NKAIN2: variants seen among roughly 807,000 people sequenced by gnomAD.
The protein encoded by NKAIN2 is sodium/potassium-transporting ATPase subunit beta-1-interacting protein 2.
A neutral mutation model predicts 32.6 loss-of-function variants in NKAIN2; 14 were observed. The observed-to-expected ratio is 0.43, with a 90% CI of 0.28 to 0.67. The LOEUF (loss-of-function observed/expected upper bound fraction) is 0.67. Ranked by LOEUF, NKAIN2 falls within the 30% of genes least tolerant of loss-of-function variation. The probability of loss-of-function intolerance (pLI) is 0.17; values close to 1 mark genes in which losing one functional copy is unlikely to be tolerated. For missense variants in NKAIN2, 198 were observed against 258.3 expected (o/e 0.77, Z 1.60); for synonymous variants, 80 against 87.2 (o/e 0.92, Z 0.46).
intron 1 of NKAIN2, among the ~76,000 whole-genome samples, chr6:123,909,140 T>G (rs1349890690): frequency 6.6e-6 from 1 of 152,136 alleles, no homozygotes; most frequent in African/African-American, 2.4e-5. Context: ...CCGCACCTTC[T>G]ACTTCTAACC....
intron 2 of NKAIN2, among the ~76,000 whole-genome samples, chr6:124,319,473 T>C (rs1159116790): frequency 6.6e-6 from 1 of 152,128 alleles, no homozygotes; most frequent in East Asian, 1.9e-4. Context: ...ACCTCTATCA[T>C]ATGTCACTGG....
chr6:124,341,435 C>T (rs1798108938), intron 2 of NKAIN2, among the ~76,000 whole-genome samples: 1 of 152,082 alleles, frequency 6.6e-6, no homozygotes, highest in African/African-American at 2.4e-5. Context: ...TAAAATGATA[C>T]AGATGATTAC....
chr6:123,969,725 C>A (rs1349163816), intron 1 of NKAIN2, among the ~76,000 whole-genome samples: 1 of 152,088 alleles, frequency 6.6e-6, no homozygotes, highest in Non-Finnish European at 1.5e-5. Flanking sequence ...ATGGGCAATG[C>A]CTTGATGTCA....
At chr6:124,380,766 A>G (rs1261467641) in intron 3 of NKAIN2, among the ~76,000 whole-genome samples, 1 of 152,226 alleles carries the variant, frequency 6.6e-6, no homozygotes, top group African/African-American at 2.4e-5. Context: ...GGAGATCTGT[A>G]TAACTTGGCA....
chr6:124,271,937 G>T (rs898271224), intron 1 of NKAIN2, among the ~76,000 whole-genome samples: 1 of 152,140 alleles, frequency 6.6e-6, no homozygotes, highest in Non-Finnish European at 1.5e-5. Context: ...TAGGGTATCT[G>T]GCGGAAGAAA....
chr6:124,703,235 T>C (rs1325676247), intron 4 of NKAIN2, among the ~76,000 whole-genome samples: 9 of 151,630 alleles, frequency 5.9e-5, no homozygotes, highest in African/African-American at 2.2e-4. Flanking sequence ...TTTTCAAAAG[T>C]AGGTATGATA....
chr6:123,804,078 A>G lies in NKAIN2; in HGVS notation c.-123A>G, dbSNP rs1254268705. ...TTCCCAGGACGCTGGCAGCAGCAGC[A>G]GCCCGGAGCCCCCGAGCCCTCGGCA... is the stretch of plus-strand genomic sequence containing the variant. On this transcript the variant is annotated 5_prime_UTR_variant, in exon 1 of 7. Transcript: ENST00000368417. The G allele has an allele frequency of 3.4e-6, 3 of 877,146 alleles. No homozygotes were observed. The highest frequency in any genetic ancestry group is 4.8e-5 in the East Asian group (2 of 41,498). The allele number at this position is 877,146 out of a possible 1,614,324, so 54.3% of individuals were successfully genotyped here.
At chr6:124,165,614 C>T (rs1323070424) in intron 1 of NKAIN2, among the ~76,000 whole-genome samples, 2 of 150,500 alleles carry the variant, frequency 1.3e-5, no homozygotes, top group Admixed American at 6.7e-5. Flanking sequence ...GTGCTGCACC[C>T]ATTAACTCGT....
At chr6:124,533,974 C>T (rs1779622854) in intron 3 of NKAIN2, among the ~76,000 whole-genome samples, 1 of 152,110 alleles carries the variant, frequency 6.6e-6, no homozygotes, top group East Asian at 1.9e-4. Context: ...CCATCATGAC[C>T]TGATCACCTC....
intron 4 of NKAIN2, among the ~76,000 whole-genome samples, chr6:124,775,189 T>C (rs936624178): frequency 1.3e-5 from 2 of 152,192 alleles, no homozygotes; most frequent in South Asian, 2.1e-4. Flanking sequence ...TGAGTATTCA[T>C]TGGACTGGGA....
intron 1 of NKAIN2, among the ~76,000 whole-genome samples, chr6:124,050,613 AT>A: frequency 6.6e-6 from 1 of 152,042 alleles, no homozygotes; most frequent in South Asian, 2.1e-4. Context: ...ACTTACCCCA[AT>A]CCATGTGGTA....
At chr6:124,565,586 C>G (rs968709487) in intron 3 of NKAIN2, among the ~76,000 whole-genome samples, 2 of 152,144 alleles carry the variant, frequency 1.3e-5, no homozygotes, top group African/African-American at 4.8e-5. Flanking sequence ...TGATTCCGTG[C>G]GAAACACCAC....
chr6:124,550,487 C>G (rs1332099071), intron 3 of NKAIN2, among the ~76,000 whole-genome samples: 1 of 152,124 alleles, frequency 6.6e-6, no homozygotes, highest in African/African-American at 2.4e-5. Flanking sequence ...TCAAACAGTT[C>G]TCCAAAGGGC....
At chr6:123,983,542 T>A (rs1389768601) in intron 1 of NKAIN2, among the ~76,000 whole-genome samples, 1 of 152,192 alleles carries the variant, frequency 6.6e-6, no homozygotes, top group Non-Finnish European at 1.5e-5. Context: ...TTAATATATC[T>A]GTTGACATTT....
chr6:124,658,808 A>G (rs1262921796), intron 4 of NKAIN2: 2 of 237,190 alleles, frequency 8.4e-6, no homozygotes, highest in Non-Finnish European at 1.6e-5. Context: ...TCTCTTTTTC[A>G]TTTGCCCTAT....
At chr6:123,857,262 ATT>A (rs11346130) in intron 1 of NKAIN2, among the ~76,000 whole-genome samples, 49 of 146,140 alleles carry the variant, frequency 3.4e-4, no homozygotes, top group Admixed American at 4.1e-4. Flanking sequence ...TGTGATTTAG[ATT>A]TTTTTTTTTT....
At chr6:124,450,770 T>C (rs1776073178) in intron 3 of NKAIN2, among the ~76,000 whole-genome samples, 1 of 152,048 alleles carries the variant, frequency 6.6e-6, no homozygotes, top group Non-Finnish European at 1.5e-5. Flanking sequence ...ACATTTCTTT[T>C]ACCAAGCATA....
At position 124,007,877 on chromosome 6, in the gene NKAIN2, C is replaced by G. The variant is rs568055965; in HGVS notation, c.54+203623C>G. Among the ~76,000 whole-genome samples the G allele has an allele frequency of 1.9e-4, 29 of 152,162 alleles. 1 individual carries two copies. Among genetic ancestry groups the G allele is most frequent in the Non-Finnish European group, 7.3e-5 (5 of 68,030 alleles). On this transcript the variant is annotated intron_variant, in intron 1 of 6. Transcript: ENST00000368417. ...TGTGTCCATTTCACTGAGCCACACT[C>G]TATGCTGCCAATTGCATGATCTCAT...
intron 4 of NKAIN2, among the ~76,000 whole-genome samples, chr6:124,728,231 C>A (rs9388366): frequency 0.38 from 30,651 of 80,316 alleles, 5,010 homozygotes; most frequent in East Asian, 0.47. Flanking sequence ...ACAGAACTCT[C>A]CACCCCAAAT....
Sources: allele counts gnomAD v4.1 joint callset (sites outside exome capture counted in the v4.1 genomes callset), GRCh38; gene constraint gnomAD v4.1.1; transcripts MANE v1.5; gene names NCBI Gene and HGNC (gene_info 2026-07-23, HGNC 2026-07-21).